The following EYS variants were observed in gnomAD, a reference collection of about 807,000 sequenced individuals.
EYS encodes protein eyes shut homolog.
Under a neutral mutation model 282.1 loss-of-function variants are expected in EYS, and 250 were observed. The observed-to-expected ratio is 0.89, with a 90% CI of 0.80 to 0.98. The LOEUF is 0.98. Ranked by LOEUF, EYS falls within the 50% of genes least tolerant of loss-of-function variation. The pLI is 0.00. For synonymous variants in EYS, 1,355 were observed against 1,282.9 expected (o/e 1.06, Z -1.20); for missense variants, 4,016 against 3,709.0 (o/e 1.08, Z -2.15).
chr6:64,298,528 G>A (rs1006318528), intron 30 of EYS, among the ~76,000 whole-genome samples: 1 of 151,894 alleles, frequency 6.6e-6, no homozygotes, highest in African/African-American at 2.4e-5. Context: ...AAAGAAAATA[G>A]CTATATACAA....
At chr6:65,182,132 C>A (rs1189632948) in intron 12 of EYS, among the ~76,000 whole-genome samples, 1 of 151,698 alleles carries the variant, frequency 6.6e-6, no homozygotes, top group African/African-American at 2.4e-5. Flanking sequence ...GGGTGCAGCA[C>A]ACCAACATGG....
intron 26 of EYS, among the ~76,000 whole-genome samples, chr6:64,534,099 T>C (rs1290895465): frequency 1.3e-5 from 2 of 151,798 alleles, no homozygotes; most frequent in African/African-American, 2.4e-5. Context: ...TAAATGGGCA[T>C]ATAAAATTGT....
chr6:64,609,968 G>A (rs190946970), intron 24 of EYS, among the ~76,000 whole-genome samples: 430 of 151,690 alleles, frequency 2.8e-3, no homozygotes, highest in Middle Eastern at 6.9e-3. Flanking sequence ...AATGGATATT[G>A]CATTTAGTTA....
chr6:63,858,596 A>G (rs1160994477), intron 36 of EYS, among the ~76,000 whole-genome samples: 1 of 152,192 alleles, frequency 6.6e-6, no homozygotes, highest in Non-Finnish European at 1.5e-5. Context: ...AGAGAGAAAG[A>G]GGAATCACTT....
chr6:65,064,490 A>G lies in EYS; in HGVS notation c.2024-6763T>C, dbSNP rs1196352800. On this transcript the variant is annotated intron_variant, in intron 12 of 42. Transcript: ENST00000503581. ...ATATAGTATATGATATATAGTATAT[A>G]TAATATATAATATAGTATAATATAT... 3.4e-5 allele frequency among the ~76,000 whole-genome samples: 5 copies of G among 146,792 alleles called. No individual in the cohort carries two copies. The East Asian group carries it at 9.8e-4, about 29-fold the overall frequency.
chr6:64,162,145 T>C (rs542895001), intron 31 of EYS, among the ~76,000 whole-genome samples: 2 of 152,062 alleles, frequency 1.3e-5, no homozygotes, highest in Non-Finnish European at 1.5e-5. Context: ...CGTAAAAGGG[T>C]ACATGAGAAA....
At chr6:65,234,039 C>T (rs1258467422) in intron 12 of EYS, among the ~76,000 whole-genome samples, 1 of 152,120 alleles carries the variant, frequency 6.6e-6, no homozygotes, top group Non-Finnish European at 1.5e-5. Context: ...CTCTGTTGTT[C>T]TGTGTATATT....
At position 64,367,855 on chromosome 6, in the gene EYS, G is replaced by A. The variant is rs563398750; in HGVS notation, c.6078+20835C>T. On this transcript the variant is annotated intron_variant, in intron 29 of 42. Coordinates refer to ENST00000503581, the MANE Select transcript of EYS (RefSeq NM_001142800.2). Reference sequence around the variant, plus strand: ...TCTTGTGCCACTCATCTTGAATCTGGGTTTGTCCTGTGCAAACTTTGACCA... The same window carrying A: ...TCTTGTGCCACTCATCTTGAATCTGAGTTTGTCCTGTGCAAACTTTGACCA... Among the ~76,000 whole-genome samples, 6 of 152,050 alleles carry A rather than the reference G, an allele frequency of 3.9e-5. No homozygotes were observed. In the South Asian group the frequency reaches 1.0e-3, roughly 26 times the overall value.
chr6:64,764,038 G>T (rs1773246339), intron 22 of EYS, among the ~76,000 whole-genome samples: 1 of 152,206 alleles, frequency 6.6e-6, no homozygotes, highest in Admixed American at 6.5e-5. Flanking sequence ...GTCTGGCATT[G>T]AGGGCCGGAG....
chr6:63,807,368 A>G (rs948055346), intron 36 of EYS, among the ~76,000 whole-genome samples: 1 of 152,200 alleles, frequency 6.6e-6, no homozygotes, highest in African/African-American at 2.4e-5. Flanking sequence ...TAGAATTTTT[A>G]CAAGCCTTAA....
intron 12 of EYS, among the ~76,000 whole-genome samples, chr6:65,110,343 A>G (rs1031913842): frequency 2.0e-5 from 3 of 152,186 alleles, no homozygotes; most frequent in African/African-American, 7.2e-5. Context: ...GTGTTCTTTG[A>G]AAGTAGTTTT....
At chr6:65,225,721 G>GA (rs201575014) in intron 12 of EYS, among the ~76,000 whole-genome samples, 1,899 of 95,346 alleles carry the variant, frequency 0.02, 35 homozygotes, top group African/African-American at 0.068. Flanking sequence ...CATCAAAAAA[G>GA]AAAAAAAAAA....
At chr6:64,023,082 T>C (rs1454690832) in intron 33 of EYS, among the ~76,000 whole-genome samples, 2 of 152,272 alleles carry the variant, frequency 1.3e-5, no homozygotes, top group Non-Finnish European at 2.9e-5. Flanking sequence ...CCATATAGTA[T>C]ATTTCACATA....
At chr6:64,852,027 T>C (rs2150042364) in intron 19 of EYS, among the ~76,000 whole-genome samples, 1 of 152,228 alleles carries the variant, frequency 6.6e-6, no homozygotes, top group East Asian at 1.9e-4. Flanking sequence ...TTTATATTGC[T>C]TGTGGAAAGA....
intron 19 of EYS, among the ~76,000 whole-genome samples, chr6:64,878,184 C>T (rs565965670): frequency 1.3e-5 from 2 of 152,088 alleles, no homozygotes; most frequent in East Asian, 3.9e-4. Flanking sequence ...GAGATTGCAC[C>T]ACTGCACTCC....
chr6:64,175,341 C>G (rs1039147908), intron 31 of EYS, among the ~76,000 whole-genome samples: 6 of 152,100 alleles, frequency 3.9e-5, no homozygotes, highest in Non-Finnish European at 7.4e-5. Flanking sequence ...TGCTTCTATC[C>G]CTTTCAGGAA....
chr6:64,075,707 G>A (rs1443379626), intron 32 of EYS, among the ~76,000 whole-genome samples: 1 of 151,812 alleles, frequency 6.6e-6, no homozygotes, highest in Non-Finnish European at 1.5e-5. Context: ...CCCTAGACAA[G>A]GTACAAGAGG....
intron 12 of EYS, among the ~76,000 whole-genome samples, chr6:65,175,107 G>T (rs947146965): frequency 2.0e-5 from 3 of 151,180 alleles, no homozygotes; most frequent in Admixed American, 6.6e-5. Context: ...GTACCATTGG[G>T]ATATCTGAAA....
In EYS at chr6:65,286,252, C is replaced by T. The variant is rs1370761637; in HGVS notation, c.2023+9611G>A. On this transcript the variant is annotated intron_variant, in intron 12 of 42. Transcript: ENST00000503581. ...GCATATATCACACTTCCAAATTAAG[C>T]TGGCCTTTTATACATTATCTCAATC... Among the ~76,000 whole-genome samples the T allele has an allele frequency of 9.2e-5, 14 of 151,720 alleles. No individual in the cohort carries two copies. In the Admixed American group the frequency reaches 9.2e-4, roughly 10 times the overall value.
Sources: allele counts gnomAD v4.1 joint callset (sites outside exome capture counted in the v4.1 genomes callset), GRCh38; gene constraint gnomAD v4.1.1; transcripts MANE v1.5; gene names NCBI Gene and HGNC (gene_info 2026-07-23, HGNC 2026-07-21).